Variants in RSBN1L observed in about 807,000 individuals in gnomAD.
The protein encoded by RSBN1L is lysine-specific demethylase RSBN1L.
In RSBN1L, 30 loss-of-function variants were observed where a neutral mutation model predicts 67.7. The observed-to-expected ratio is 0.44, with a 90% CI of 0.33 to 0.60. The LOEUF (loss-of-function observed/expected upper bound fraction) is 0.60. RSBN1L is among the 20% of genes least tolerant of loss of function. RSBN1L has a pLI of 0.02. For missense variants in RSBN1L, 992 were observed against 1,031.7 expected (o/e 0.96, Z 0.53); for synonymous variants, 433 against 387.0 (o/e 1.12, Z -1.39).
At chr7:77,747,074 G>A (rs1283509969) in intron 2 of RSBN1L, among the ~76,000 whole-genome samples, 3 of 152,102 alleles carry the variant, frequency 2.0e-5, no homozygotes, top group Non-Finnish European at 4.4e-5. Context: ...CTGGAGGACA[G>A]TGGCCCTCTT....
At chr7:77,708,583 G>A (rs1207541834) in intron 1 of RSBN1L, among the ~76,000 whole-genome samples, 4 of 151,760 alleles carry the variant, frequency 2.6e-5, no homozygotes, top group Admixed American at 6.6e-5. Context: ...GGGGTTTCAC[G>A]GTGTTAGCCA....
At chr7:77,742,024 G>T (rs1791416898) in intron 2 of RSBN1L, among the ~76,000 whole-genome samples, 1 of 151,776 alleles carries the variant, frequency 6.6e-6, no homozygotes, top group East Asian at 1.9e-4. Flanking sequence ...TGTACTTATG[G>T]CTATGATTTG....
chr7:77,776,822 TC>T lies in RSBN1L; in HGVS notation c.1794-1515del, dbSNP rs1791920838. On this transcript the variant is annotated intron_variant, in intron 6 of 7. Coordinates refer to ENST00000334955, the MANE Select transcript of RSBN1L (RefSeq NM_198467.3). The stretch of plus-strand genomic sequence containing the variant: ...TATTATTGTTACATGTAGATAGATA[TC>T]ATATAGTTGGGTCTTACCTTTTTTT... Among the ~76,000 whole-genome samples the T allele has an allele frequency of 3.3e-5, 5 of 152,256 alleles. No homozygotes were observed. In the Middle Eastern group the frequency reaches 0.01, roughly 311 times the overall value.
chr7:77,731,167 A>G (rs1057329143), intron 1 of RSBN1L, among the ~76,000 whole-genome samples: 2 of 151,544 alleles, frequency 1.3e-5, no homozygotes, highest in Non-Finnish European at 2.9e-5. Flanking sequence ...TGCTATCTGT[A>G]TATCTTCTTT....
At chr7:77,765,898 A>G (rs181941972) in intron 4 of RSBN1L, among the ~76,000 whole-genome samples, 166 of 152,330 alleles carry the variant, frequency 1.1e-3, no homozygotes, top group African/African-American at 3.8e-3. Flanking sequence ...TGGGCCATGA[A>G]ATAACACCTC....
chr7:77,720,882 G>A (rs1245934976), intron 1 of RSBN1L, among the ~76,000 whole-genome samples: 1 of 147,170 alleles, frequency 6.8e-6, no homozygotes, highest in Non-Finnish European at 1.5e-5. Flanking sequence ...TCAGCCTCCT[G>A]AGTAGCTGGA....
chr7:77,769,385 A>G (rs1791815282), intron 5 of RSBN1L, among the ~76,000 whole-genome samples: 1 of 152,250 alleles, frequency 6.6e-6, no homozygotes, highest in African/African-American at 2.4e-5. Context: ...GGAACTTAAT[A>G]TATGAGATAG....
Position 77,773,304 on chromosome 7 carries a change from TG to T in RSBN1L, c.1784del (p.Cys595LeufsTer10). The T allele has an allele frequency of 6.4e-7, 1 of 1,565,928 alleles. No homozygotes were observed. The highest frequency in any genetic ancestry group is 8.6e-7 in the Non-Finnish European group (1 of 1,158,050). ...TGTTGGAGTGCTGAAGGCTGTGCAC[TG>T]TGGAGAGTGGTATATATAACTACCG... ...AAVGVLKAVH[C>X]GEWPDQPRIT... On this transcript the variant is annotated frameshift_variant, in exon 6 of 8. Transcript: ENST00000334955. LOFTEE classifies it high-confidence loss of function.
rs764177362 is a variant in RSBN1L at position 77,778,495 on chromosome 7, G to C, written c.1903-35G>C. 9 of 1,596,408 alleles carry C rather than the reference G, an allele frequency of 5.6e-6. No individual in the cohort carries two copies. The South Asian group carries it at 9.0e-5, about 16-fold the overall frequency. Reference sequence around the variant, plus strand: ...TTTGGTTTAGTTTTTATTATGAAGAGAGTTATTTGTATTTCTTGTTTTATT... The same window carrying C: ...TTTGGTTTAGTTTTTATTATGAAGACAGTTATTTGTATTTCTTGTTTTATT... On this transcript the variant is annotated intron_variant, in intron 7 of 7. Transcript: ENST00000334955.
intron 2 of RSBN1L, among the ~76,000 whole-genome samples, chr7:77,743,464 G>T (rs112692110): frequency 0.014 from 442 of 31,258 alleles, 5 homozygotes; most frequent in African/African-American, 0.04. Flanking sequence ...AGTTGGTTTT[G>T]TTTTTTTTTT....
chr7:77,739,244 C>CT (rs945779049), intron 2 of RSBN1L, among the ~76,000 whole-genome samples: 4 of 152,274 alleles, frequency 2.6e-5, no homozygotes, highest in African/African-American at 9.6e-5. Flanking sequence ...CTGTGTGCCA[C>CT]TTTTTTCCTT....
rs1301961751 is a variant in RSBN1L at position 77,715,528 on chromosome 7, C to T, written c.586+18473C>T. Among the ~76,000 whole-genome samples the T allele has an allele frequency of 4.6e-5, 7 of 152,058 alleles. No homozygotes were observed. The East Asian group carries it at 7.7e-4, about 17-fold the overall frequency. On this transcript the variant is annotated intron_variant, in intron 1 of 7. Coordinates refer to ENST00000334955, the MANE Select transcript of RSBN1L (RefSeq NM_198467.3). The stretch of plus-strand genomic sequence containing the variant: ...CTCACCATGTTGGCCAGGAAGGTCT[C>T]GAACTCCTGGCCTCAAGTGATTCGC...
intron 1 of RSBN1L, among the ~76,000 whole-genome samples, chr7:77,715,929 T>G (rs1791042557): frequency 6.6e-6 from 1 of 152,182 alleles, no homozygotes; most frequent in South Asian, 2.1e-4. Context: ...GTTCAAAGTG[T>G]CTGTTATTGG....
At chr7:77,733,996 G>T (rs993610030) in intron 1 of RSBN1L, among the ~76,000 whole-genome samples, 1 of 152,170 alleles carries the variant, frequency 6.6e-6, no homozygotes, top group Admixed American at 6.5e-5. Flanking sequence ...GTGCGATGGC[G>T]TGTGCCTGTA....
chr7:77,740,406 G>C (rs1291664826), intron 2 of RSBN1L, among the ~76,000 whole-genome samples: 1 of 152,148 alleles, frequency 6.6e-6, no homozygotes, highest in Non-Finnish European at 1.5e-5. Context: ...GTTAGAATGA[G>C]GGTTGAAAGA....
At chr7:77,746,323 C>T (rs769619527) in intron 2 of RSBN1L, among the ~76,000 whole-genome samples, 7 of 152,062 alleles carry the variant, frequency 4.6e-5, no homozygotes, top group Non-Finnish European at 8.8e-5. Context: ...GCAGGCACGC[C>T]GTACATGGCC....
chr7:77,717,452 T>C (rs1791063070), intron 1 of RSBN1L, among the ~76,000 whole-genome samples: 1 of 152,210 alleles, frequency 6.6e-6, no homozygotes, highest in South Asian at 2.1e-4. Flanking sequence ...AGCTATACAA[T>C]TGTAATCAGA....
Position 77,743,416 on chromosome 7 carries a change from T to C in RSBN1L, c.704-6008T>C, listed in dbSNP as rs1002902260. ...GAGTTTGAGACCAGCCTGCGCAACATAGTGAGACCTTGTCTCTATTAAAAA... is the reference window on the plus strand; with the variant it reads ...GAGTTTGAGACCAGCCTGCGCAACACAGTGAGACCTTGTCTCTATTAAAAA... On this transcript the variant is annotated intron_variant, in intron 2 of 7. Coordinates refer to ENST00000334955, the MANE Select transcript of RSBN1L (RefSeq NM_198467.3). Among the ~76,000 whole-genome samples the C allele has an allele frequency of 5.9e-5, 9 of 151,724 alleles. 1 individual carries two copies. Among genetic ancestry groups the C allele is most frequent in the Admixed American group, 5.3e-4 (8 of 15,218 alleles).
intron 1 of RSBN1L, among the ~76,000 whole-genome samples, chr7:77,725,535 T>C (rs1197968378): frequency 6.9e-6 from 1 of 145,762 alleles, no homozygotes; most frequent in South Asian, 2.2e-4. Flanking sequence ...GCATGAGCCA[T>C]GGCGCCCGGC....
Sources: gnomAD v4.1 joint callset for allele counts (sites outside exome capture counted in the v4.1 genomes callset) on GRCh38, gnomAD v4.1.1 for gene constraint, MANE v1.5 for transcripts, NCBI Gene and HGNC (gene_info 2026-07-23, HGNC 2026-07-21) for gene names.